SLC2A9: variants seen among roughly 807,000 people sequenced by gnomAD.
SLC2A9 encodes the protein solute carrier family 2, facilitated glucose transporter member 9.
A neutral mutation model predicts 50.6 loss-of-function variants in SLC2A9; 39 were observed. The observed-to-expected ratio is 0.77, with a 90% confidence interval of 0.60 to 1.01. The LOEUF (loss-of-function observed/expected upper bound fraction) is 1.01. Ranked by LOEUF, SLC2A9 falls within the 50% of genes least tolerant of loss-of-function variation. SLC2A9 has a pLI of 0.00. For missense variants in SLC2A9, 686 were observed against 677.6 expected (o/e 1.01, Z -0.14); for synonymous variants, 324 against 276.9 (o/e 1.17, Z -1.69).
chr4:9,898,145 C>T (rs188495955), intron 8 of SLC2A9, among the ~76,000 whole-genome samples: 1 of 152,124 alleles, frequency 6.6e-6, no homozygotes, highest in Non-Finnish European at 1.5e-5. Context: ...GTTTAAGCCA[C>T]GTAGTTTGTG....
intron 2 of SLC2A9, among the ~76,000 whole-genome samples, chr4:10,008,495 A>G (rs900195409): frequency 2.0e-5 from 3 of 152,268 alleles, no homozygotes; most frequent in Non-Finnish European, 4.4e-5. Flanking sequence ...AGAGGCCCAC[A>G]TTAGGAAGAT....
chr4:9,900,320 G>A (rs1329402329), intron 8 of SLC2A9, among the ~76,000 whole-genome samples: 1 of 152,164 alleles, frequency 6.6e-6, no homozygotes, highest in Non-Finnish European at 1.5e-5. Context: ...TCAGAGGGAT[G>A]GGGAGTAAAT....
downstream of SLC2A9, among the ~76,000 whole-genome samples, chr4:9,821,711 C>T (rs73223785): frequency 0.16 from 23,918 of 151,680 alleles, 2,496 homozygotes; most frequent in African/African-American, 0.31. Context: ...TTTTCTTGTA[C>T]TGTTTTCTTG....
intron 2 of SLC2A9, among the ~76,000 whole-genome samples, chr4:10,018,216 C>A (rs1488403847): frequency 6.6e-6 from 1 of 152,188 alleles, no homozygotes; most frequent in Non-Finnish European, 1.5e-5. Flanking sequence ...TCTTATCCAG[C>A]AGATACCTGA....
intron 10 of SLC2A9, among the ~76,000 whole-genome samples, chr4:9,840,441 TA>T (rs1300238076): frequency 1.3e-5 from 2 of 152,360 alleles, no homozygotes; most frequent in Non-Finnish European, 2.9e-5. Flanking sequence ...ATTTTGTTTT[TA>T]AGAATGAAAA....
intron 10 of SLC2A9, among the ~76,000 whole-genome samples, chr4:9,849,054 A>G (rs1272243231): frequency 3.9e-5 from 6 of 152,150 alleles, no homozygotes. Flanking sequence ...GTGCACGTTC[A>G]GTGAGAGCCT....
chr4:9,918,313 C>T (rs1168631848), intron 7 of SLC2A9, among the ~76,000 whole-genome samples: 1 of 152,182 alleles, frequency 6.6e-6, no homozygotes, highest in East Asian at 1.9e-4. Flanking sequence ...CTCTCTTTGT[C>T]CCGTGAATTT....
chr4:9,845,020 A>T (rs1298453306), intron 10 of SLC2A9, among the ~76,000 whole-genome samples: 11 of 147,572 alleles, frequency 7.5e-5, no homozygotes, highest in Non-Finnish European at 1.3e-4. Context: ...AAAAAGTTCA[A>T]TTTTTTTTTT....
intron 8 of SLC2A9, among the ~76,000 whole-genome samples, chr4:9,900,668 G>T (rs1404622408): frequency 6.6e-6 from 1 of 152,108 alleles, no homozygotes; most frequent in Non-Finnish European, 1.5e-5. Flanking sequence ...GCCGAAGACT[G>T]GGTAGTTTAC....
At chr4:9,888,392 T>C (rs932952018) in intron 9 of SLC2A9, among the ~76,000 whole-genome samples, 1 of 152,016 alleles carries the variant, frequency 6.6e-6, no homozygotes, top group African/African-American at 2.4e-5. Context: ...ACCTTATTTG[T>C]ACCCCTGCCA....
rs143250861 is a variant in SLC2A9 at position 9,807,237 on chromosome 4, T to G, written n.421-7996A>C. 9.0e-3 allele frequency among the ~76,000 whole-genome samples: 1,373 copies of G among 152,296 alleles called. 10 individuals carry two copies. The highest frequency in any genetic ancestry group is 0.02 in the Middle Eastern group (6 of 294). On this transcript the variant is annotated intron_variant and non_coding_transcript_variant, in intron 3 of 3. Transcript: ENST00000503280. ...TCCTCACTCAGGGCTGTGGCCACAT[T>G]GAAACACCATGTCCCTGGCACACAC...
chr4:9,904,359 T>A (rs1246718962), intron 8 of SLC2A9, among the ~76,000 whole-genome samples: 1 of 152,118 alleles, frequency 6.6e-6, no homozygotes, highest in Non-Finnish European at 1.5e-5. Context: ...TGTGACCCCT[T>A]CCTCACCTTC....
intron 8 of SLC2A9, among the ~76,000 whole-genome samples, chr4:9,898,015 T>C (rs1011653617): frequency 6.6e-6 from 1 of 152,190 alleles, no homozygotes; most frequent in Non-Finnish European, 1.5e-5. Flanking sequence ...TGTAAGTTCC[T>C]GGAAGCTGGG....
intron 3 of SLC2A9, chr4:9,783,350 T>G: frequency 6.2e-7 from 1 of 1,614,224 alleles, no homozygotes; most frequent in Non-Finnish European, 8.5e-7. Context: ...GTTCCAGATC[T>G]ATCAGACGTC....
At chr4:9,909,452 G>C (rs1179291253) in intron 7 of SLC2A9, among the ~76,000 whole-genome samples, 2 of 152,150 alleles carry the variant, frequency 1.3e-5, no homozygotes, top group East Asian at 3.9e-4. Flanking sequence ...TGCCACATGA[G>C]GTTAGACCTA....
chr4:9,950,175 T>G (rs189702791), intron 5 of SLC2A9, among the ~76,000 whole-genome samples: 1 of 152,230 alleles, frequency 6.6e-6, no homozygotes, highest in Non-Finnish European at 1.5e-5. Context: ...TATGTTGTTC[T>G]AGAATTGCTA....
chr4:9,836,664 T>C (rs1045426276), intron 10 of SLC2A9, among the ~76,000 whole-genome samples: 1 of 152,212 alleles, frequency 6.6e-6, no homozygotes, highest in Non-Finnish European at 1.5e-5. Flanking sequence ...GGAGAGGGGT[T>C]TGCAGTTGAA....
intron 8 of SLC2A9, among the ~76,000 whole-genome samples, chr4:9,896,964 CTA>C (rs1291961603): frequency 6.6e-6 from 1 of 152,144 alleles, no homozygotes; most frequent in Non-Finnish European, 1.5e-5. Context: ...ACAATCCTTG[CTA>C]TGTACCAGGA....
At chr4:9,829,125 C>T (rs551665628) in intron 11 of SLC2A9, among the ~76,000 whole-genome samples, 1 of 152,088 alleles carries the variant, frequency 6.6e-6, no homozygotes, top group African/African-American at 2.4e-5. Flanking sequence ...GTGGCTCAGC[C>T]GAGCACAGTA....
Sources: allele counts gnomAD v4.1 joint callset (sites outside exome capture counted in the v4.1 genomes callset), GRCh38; gene constraint gnomAD v4.1.1; transcripts MANE v1.5; gene names NCBI Gene and HGNC (gene_info 2026-07-23, HGNC 2026-07-21).